Variants in RMDN2 observed in about 807,000 individuals in gnomAD.
The protein encoded by RMDN2 is regulator of microtubule dynamics protein 2.
In RMDN2, 61 loss-of-function variants were observed where a neutral mutation model predicts 52.8. The ratio of observed to expected loss-of-function variants is 1.16; its 90% CI spans 0.94 to 1.43. RMDN2 has a LOEUF of 1.43. Among genes scored for constraint, RMDN2 ranks in the 40% most tolerant of loss-of-function variants. The pLI, the probability that RMDN2 is intolerant of heterozygous loss-of-function variation, is 0.00. For synonymous variants in RMDN2, 180 were observed against 153.1 expected, an observed-to-expected ratio of 1.18 and a Z score of -1.30; for missense variants, 592 against 475.3, an observed-to-expected ratio of 1.25 and a Z score of -2.28.
chr2:37,968,211 TG>T (rs1396856393), intron 2 of RMDN2, among the ~76,000 whole-genome samples: 4 of 151,642 alleles, frequency 2.6e-5, no homozygotes, highest in African/African-American at 9.7e-5. Context: ...GAGGACGAGG[TG>T]GGCAGATCAC....
At chr2:38,044,329 C>G (rs956261909) in intron 10 of RMDN2, among the ~76,000 whole-genome samples, 1 of 151,836 alleles carries the variant, frequency 6.6e-6, no homozygotes, top group Admixed American at 6.6e-5. Context: ...CTTTGGTTTT[C>G]TCCAGTTTGA....
intron 10 of RMDN2, among the ~76,000 whole-genome samples, chr2:38,062,777 C>T (rs566580172): frequency 4.9e-5 from 6 of 121,366 alleles, no homozygotes; most frequent in Admixed American, 8.5e-5. Flanking sequence ...CTTCCCCCCC[C>T]CCACAACAGT....
At chr2:38,000,622 G>A (rs574807553) in intron 8 of RMDN2, among the ~76,000 whole-genome samples, 2 of 152,130 alleles carry the variant, frequency 1.3e-5, no homozygotes, top group East Asian at 1.9e-4. Flanking sequence ...TGTATATCTG[G>A]CTTTTACTCA....
At chr2:37,951,493 A>T in intron 2 of RMDN2, 1 of 1,612,244 alleles carries the variant, frequency 6.2e-7, no homozygotes, top group Non-Finnish European at 8.5e-7. Flanking sequence ...CCTTACTGGC[A>T]ACAAAGTAGA....
intron 2 of RMDN2, among the ~76,000 whole-genome samples, chr2:37,957,282 A>G (rs1669603051): frequency 6.6e-6 from 1 of 152,190 alleles, no homozygotes; most frequent in Non-Finnish European, 1.5e-5. Flanking sequence ...AACAGTGTGA[A>G]AGCTTTCCTA....
In RMDN2 at chr2:37,927,279, A is replaced by G. The variant is rs181586634; in HGVS notation, c.-17+1854A>G. ...CCCACATGTTGTGGGTGCATCCAAG[A>G]GTTAGGAACAGGTTGTCAAAGGTGA... On this transcript the variant is annotated intron_variant, in intron 1 of 10. Coordinates refer to ENST00000354545, the MANE Select transcript of RMDN2 (RefSeq NM_001170791.3). 5.5e-4 allele frequency among the ~76,000 whole-genome samples: 84 copies of G among 152,346 alleles called. No homozygotes were observed. In the Middle Eastern group the frequency reaches 0.01, roughly 19 times the overall value.
Position 37,971,150 on chromosome 2 carries a change from G to T in RMDN2, c.453-2890G>T, listed in dbSNP as rs556696006. Among the ~76,000 whole-genome samples the T allele has an allele frequency of 1.1e-4, 16 of 151,936 alleles. No individual in the cohort carries two copies. In the South Asian group the frequency reaches 2.7e-3, roughly 26 times the overall value. On this transcript the variant is annotated intron_variant, in intron 2 of 10. Coordinates refer to ENST00000354545, the MANE Select transcript of RMDN2 (RefSeq NM_001170791.3). Reference sequence around the variant, plus strand: ...GCTTAATCCAAGATCACAAATATTTGCTCCTATGTTTTCTTATGAGAAAGA... The same window carrying T: ...GCTTAATCCAAGATCACAAATATTTTCTCCTATGTTTTCTTATGAGAAAGA...
intron 10 of RMDN2, among the ~76,000 whole-genome samples, chr2:38,042,415 ACACACACAC>A (rs1282469505): frequency 7.6e-5 from 4 of 52,448 alleles, no homozygotes; most frequent in Middle Eastern, 0.011. Context: ...ACACACACAC[ACACACACAC>A]CACACACACA....
At chr2:38,022,713 C>G (rs1309050775), downstream of RMDN2, among the ~76,000 whole-genome samples, 3 of 152,206 alleles carry the variant, frequency 2.0e-5, no homozygotes, top group Non-Finnish European at 4.4e-5. Context: ...TTCATTGTAA[C>G]ATGAAAATCC....
chr2:37,971,641 A>G (rs1009963576), intron 2 of RMDN2, among the ~76,000 whole-genome samples: 2 of 151,722 alleles, frequency 1.3e-5, no homozygotes, highest in African/African-American at 2.4e-5. Flanking sequence ...TTACATGCCA[A>G]CTCTCCCATG....
At chr2:37,942,482 ATAT>A (rs554754821) in intron 2 of RMDN2, among the ~76,000 whole-genome samples, 121 of 152,302 alleles carry the variant, frequency 7.9e-4, no homozygotes, top group Admixed American at 2.6e-3. Context: ...TAGATTAACT[ATAT>A]TATTATTATA....
intron 2 of RMDN2, chr2:37,951,825 G>A (rs1668845534): frequency 1.9e-6 from 3 of 1,613,620 alleles, no homozygotes; most frequent in Non-Finnish European, 1.7e-6. Flanking sequence ...GAACACTATT[G>A]ATACAGCCTC....
chr2:38,007,131 A>G (rs1677214029), intron 10 of RMDN2, among the ~76,000 whole-genome samples: 1 of 152,178 alleles, frequency 6.6e-6, no homozygotes, highest in African/African-American at 2.4e-5. Flanking sequence ...GGATTTTTGC[A>G]TCGATGTTCA....
At chr2:38,061,971 A>G (rs1021765650) in intron 10 of RMDN2, among the ~76,000 whole-genome samples, 4 of 152,138 alleles carry the variant, frequency 2.6e-5, no homozygotes, top group Non-Finnish European at 5.9e-5. Context: ...CCTTGTTCAC[A>G]TCTCTAGGCC....
At chr2:37,992,855 A>T (rs982407029) in intron 7 of RMDN2, among the ~76,000 whole-genome samples, 1 of 152,190 alleles carries the variant, frequency 6.6e-6, no homozygotes, top group African/African-American at 2.4e-5. Context: ...TAATTTGCCC[A>T]GGGTCACTCA....
At chr2:37,933,873 A>G (rs1180958015) in intron 2 of RMDN2, among the ~76,000 whole-genome samples, 1 of 152,218 alleles carries the variant, frequency 6.6e-6, no homozygotes, top group Non-Finnish European at 1.5e-5. Flanking sequence ...CTCACTTTTT[A>G]AATAAATAAA....
chr2:38,061,749 T>C (rs1682062008), intron 10 of RMDN2, among the ~76,000 whole-genome samples: 1 of 152,184 alleles, frequency 6.6e-6, no homozygotes, highest in African/African-American at 2.4e-5. Flanking sequence ...AGGGCCTGGG[T>C]GCCTTGTTCA....
chr2:37,952,120 C>G (rs367935058), intron 2 of RMDN2: 4 of 1,613,078 alleles, frequency 2.5e-6, no homozygotes, highest in South Asian at 1.1e-5. Context: ...GAATTAACTT[C>G]AGGCCTGTTT....
chr2:37,946,539 A>G (rs780664672), intron 2 of RMDN2, among the ~76,000 whole-genome samples: 16 of 152,218 alleles, frequency 1.1e-4, no homozygotes, highest in South Asian at 8.3e-4. Context: ...ATGATACATT[A>G]TCATGAAGTA....
Sources: gnomAD v4.1 joint callset for allele counts (sites outside exome capture counted in the v4.1 genomes callset) on GRCh38, gnomAD v4.1.1 for gene constraint, MANE v1.5 for transcripts, NCBI Gene and HGNC (gene_info 2026-07-23, HGNC 2026-07-21) for gene names.